SIPA1L2: variants seen among roughly 807,000 people sequenced by gnomAD.
SIPA1L2 encodes signal-induced proliferation-associated 1-like protein 2.
In SIPA1L2, 56 loss-of-function variants were observed where a neutral mutation model predicts 163.9. The ratio of observed to expected loss-of-function variants is 0.34; its 90% CI spans 0.28 to 0.43. The LOEUF is 0.43. Among genes scored for constraint, SIPA1L2 ranks in the 20% least tolerant of loss-of-function variants. SIPA1L2 has a pLI of 1.00. For synonymous variants in SIPA1L2, 877 were observed against 865.7 expected, an observed-to-expected ratio of 1.01 and a Z score of -0.23; for missense variants, 1,974 against 2,193.5, an observed-to-expected ratio of 0.90 and a Z score of 2.00.
rs1667181911 is a variant in SIPA1L2, at chr1:232,515,506, C to A, written c.-167G>T. On this transcript the variant is annotated 5_prime_UTR_variant, in exon 3 of 23. The change creates a premature stop within an existing upstream ORF in the 5' untranslated region. Coordinates refer to ENST00000674635, the MANE Select transcript of SIPA1L2 (RefSeq NM_020808.5). ...CAACATCCTCAGAATACAGTTTCTT[C>A]AAAGCCAACTTGCTTCTCTGTTGTC... The A allele has an allele frequency of 1.5e-6, 1 of 660,286 alleles. No homozygotes were observed. The highest frequency in any genetic ancestry group is 2.5e-5 in the South Asian group (1 of 39,564). The allele number at this position is 660,286 out of a possible 1,614,324, so 40.9% of individuals were successfully genotyped here. A position where few individuals can be genotyped will look rare whatever the true frequency, so the allele number is the denominator to read the frequency against.
intron 22 of SIPA1L2, among the ~76,000 whole-genome samples, chr1:232,401,024 C>A (rs1323907393): frequency 6.6e-6 from 1 of 152,154 alleles, no homozygotes; most frequent in Non-Finnish European, 1.5e-5. Flanking sequence ...CAGCCATTCC[C>A]CAGCAGTGAC....
At chr1:232,506,471 C>A (rs1442111221) in intron 3 of SIPA1L2, among the ~76,000 whole-genome samples, 1 of 152,106 alleles carries the variant, frequency 6.6e-6, no homozygotes, top group Non-Finnish European at 1.5e-5. Context: ...CTCTATTTAC[C>A]AAGAGTTGAC....
At position 232,541,263 on chromosome 1, in the gene SIPA1L2, TAACA is replaced by T. The variant is rs1361835929; in HGVS notation, c.-269-25659_-269-25656del. 4.5e-3 allele frequency among the ~76,000 whole-genome samples: 429 copies of T among 94,496 alleles called. 4 individuals are homozygous for T. The highest frequency in any genetic ancestry group is 0.014 in the African/African-American group (405 of 29,222). The allele number at this position is 94,496 out of a possible 152,430, so 62.0% of individuals were successfully genotyped here. Reference sequence around the variant, plus strand: ...AACATAACATTAACATAACATAACATAACATAACATAACATAACATAACATAACA... The same window carrying T: ...AACATAACATTAACATAACATAACATTAACATAACATAACATAACATAACA... On this transcript the variant is annotated intron_variant, in intron 2 of 22. Coordinates refer to ENST00000674635, the MANE Select transcript of SIPA1L2 (RefSeq NM_020808.5).
At chr1:232,547,105 T>G (rs1391751376) in intron 2 of SIPA1L2, among the ~76,000 whole-genome samples, 1 of 152,182 alleles carries the variant, frequency 6.6e-6, no homozygotes, top group Non-Finnish European at 1.5e-5. Flanking sequence ...CATAAGGAAG[T>G]GGATGGTGGG....
At chr1:232,581,691 C>A (rs942777328) in intron 1 of SIPA1L2, among the ~76,000 whole-genome samples, 5 of 152,132 alleles carry the variant, frequency 3.3e-5, no homozygotes, top group African/African-American at 1.2e-4. Context: ...CTTAATATGG[C>A]CCAAGTACCT....
rs148770262 is a variant in SIPA1L2, at chr1:232,613,206, C to T, written c.-319+16663G>A. ...TCGGGTATGTCTTTTATCAGCAGCA[C>T]GAAAACAGACTAATACACTGACCTT... On this transcript the variant is annotated intron_variant, in intron 1 of 22. Transcript: ENST00000674635. Among the ~76,000 whole-genome samples, 431 of 152,256 alleles carry T rather than the reference C, an allele frequency of 2.8e-3. 1 individual carries two copies. The highest frequency in any genetic ancestry group is 8.7e-3 in the African/African-American group (362 of 41,548).
At chr1:232,467,518 G>A (rs1257938168) in intron 8 of SIPA1L2, among the ~76,000 whole-genome samples, 1 of 152,158 alleles carries the variant, frequency 6.6e-6, no homozygotes, top group Non-Finnish European at 1.5e-5. Context: ...AAAGCTACCT[G>A]TTTGGACTTG....
chr1:232,625,890 T>C (rs1478887982), intron 1 of SIPA1L2, among the ~76,000 whole-genome samples: 2 of 152,268 alleles, frequency 1.3e-5, no homozygotes, highest in East Asian at 1.9e-4. Flanking sequence ...GATCCAAATA[T>C]CAAAGAAGGG....
At chr1:232,452,219 C>T (rs1572918573) in intron 10 of SIPA1L2, among the ~76,000 whole-genome samples, 1 of 151,966 alleles carries the variant, frequency 6.6e-6, no homozygotes, top group East Asian at 2.0e-4. Context: ...GGCTTTCTCC[C>T]CTGCTTCCTG....
intron 10 of SIPA1L2, among the ~76,000 whole-genome samples, chr1:232,446,032 T>C (rs961675505): frequency 1.3e-5 from 2 of 152,166 alleles, no homozygotes; most frequent in Admixed American, 6.5e-5. Flanking sequence ...GTTTGTGGCT[T>C]TTTTCCTGGC....
chr1:232,435,169 T>C (rs1456852490), intron 15 of SIPA1L2, among the ~76,000 whole-genome samples: 1 of 152,232 alleles, frequency 6.6e-6, no homozygotes, highest in African/African-American at 2.4e-5. Context: ...TGCATGTGTG[T>C]AGGTTACTCA....
At chr1:232,582,212 A>G (rs1292072578) in intron 1 of SIPA1L2, among the ~76,000 whole-genome samples, 3 of 152,074 alleles carry the variant, frequency 2.0e-5, no homozygotes, top group Non-Finnish European at 2.9e-5. Flanking sequence ...TACAGGGGGT[A>G]CATGTGCAGG....
intron 3 of SIPA1L2, among the ~76,000 whole-genome samples, chr1:232,502,815 A>G (rs1666547587): frequency 6.6e-6 from 1 of 152,230 alleles, no homozygotes; most frequent in Non-Finnish European, 1.5e-5. Context: ...AAGAAATCAA[A>G]ATCTTCTATT....
chr1:232,475,530 A>G (rs2102956775), intron 7 of SIPA1L2, among the ~76,000 whole-genome samples: 1 of 152,360 alleles, frequency 6.6e-6, no homozygotes. Context: ...AAGCATTCTA[A>G]ATAATAACTA....
In SIPA1L2 at chr1:232,574,601, C is replaced by G. The variant is rs377083714; in HGVS notation, c.-318-379G>C. Among the ~76,000 whole-genome samples, 45 of 152,108 alleles carry G rather than the reference C, an allele frequency of 3.0e-4. 1 individual carries two copies. The South Asian group carries it at 5.8e-3, about 20-fold the overall frequency. ...ATAATAAAATATAAAGGGGTTATTA[C>G]CATCATTCTTAATTAATAAATATTT... On this transcript the variant is annotated intron_variant, in intron 1 of 22. Transcript: ENST00000674635.
At chr1:232,487,885 A>G (rs1243478286) in intron 5 of SIPA1L2, among the ~76,000 whole-genome samples, 2 of 151,658 alleles carry the variant, frequency 1.3e-5, no homozygotes, top group African/African-American at 2.4e-5. Flanking sequence ...GCAAACTACA[A>G]AAGAGCGGAA....
chr1:232,509,742 A>G (rs1666894240), intron 3 of SIPA1L2, among the ~76,000 whole-genome samples: 1 of 152,222 alleles, frequency 6.6e-6, no homozygotes, highest in Admixed American at 6.5e-5. Context: ...TGGCTCAACA[A>G]GAGACCAGCA....
chr1:232,431,010 C>T (rs976165402), intron 16 of SIPA1L2, among the ~76,000 whole-genome samples: 2 of 152,206 alleles, frequency 1.3e-5, no homozygotes, highest in African/African-American at 2.4e-5. Flanking sequence ...TGCCATCAAA[C>T]CAGTGCGTGG....
At chr1:232,528,344 G>A (rs74144360) in intron 2 of SIPA1L2, among the ~76,000 whole-genome samples, 2,565 of 152,076 alleles carry the variant, frequency 0.017, 80 homozygotes, top group African/African-American at 0.059. Context: ...AAATGACTGT[G>A]TTTCCAGAGA....
Sources: allele counts gnomAD v4.1 joint callset (sites outside exome capture counted in the v4.1 genomes callset), GRCh38; gene constraint gnomAD v4.1.1; transcripts MANE v1.5; gene names NCBI Gene and HGNC (gene_info 2026-07-23, HGNC 2026-07-21).